ACACB: variants seen among roughly 807,000 people sequenced by gnomAD.
The protein encoded by ACACB is acetyl-CoA carboxylase beta.
Under a neutral mutation model 278.8 loss-of-function variants are expected in ACACB, and 209 were observed. The observed-to-expected ratio is 0.75, with a 90% CI of 0.67 to 0.84. ACACB has a LOEUF of 0.84. Among genes scored for constraint, ACACB ranks in the 40% least tolerant of loss-of-function variants. The probability of loss-of-function intolerance (pLI) is 0.00; values close to 1 mark genes in which losing one functional copy is unlikely to be tolerated. For missense variants in ACACB, 2,850 were observed against 3,269.0 expected (o/e 0.87, Z 3.13); for synonymous variants, 1,174 against 1,285.6 (o/e 0.91, Z 1.86).
At chr12:109,185,180 A>G (rs1450765152) in intron 11 of ACACB, among the ~76,000 whole-genome samples, 2 of 152,120 alleles carry the variant, frequency 1.3e-5, no homozygotes, top group Admixed American at 1.3e-4. Context: ...ATAATTGTCT[A>G]CTTTTTACCC....
In ACACB at chr12:109,253,173, C is replaced by T; in HGVS notation, c.6045+15C>T. 6.5e-7 allele frequency: 1 copy of T among 1,534,840 alleles called. No individual in the cohort carries two copies. On this transcript the variant is annotated intron_variant, in intron 43 of 52. Coordinates refer to ENST00000338432, the MANE Select transcript of ACACB (RefSeq NM_001093.4). ...ATATGCCAAAGGTGCAGTACTCCCC[C>T]TGCAGCTTAGAACCTGGAAGACTCT...
chr12:109,234,100 C>A, intron 31 of ACACB, 55 bp downstream of exon 31: 1 of 1,451,710 alleles, frequency 6.9e-7, no homozygotes, highest in Non-Finnish European at 9.5e-7. Context: ...GGAGGAGGGG[C>A]TGGGCTCGTC....
At chr12:109,177,147 C>A (rs2044308194) in intron 9 of ACACB, among the ~76,000 whole-genome samples, 2 of 152,352 alleles carry the variant, frequency 1.3e-5, no homozygotes, top group Admixed American at 1.3e-4. Flanking sequence ...GCATTTAACA[C>A]ATTCCAAATT....
Position 109,240,939 on chromosome 12 carries a change from AT to A in ACACB, c.4819-138del, listed in dbSNP as rs1250855400. 9.4e-5 allele frequency: 71 copies of A among 754,994 alleles called. 1 individual carries two copies. In the East Asian group the frequency reaches 1.9e-3, roughly 20 times the overall value. 46.8% of individuals were successfully genotyped at this position (754,994 alleles called of 1,614,324 possible). A position where few individuals can be genotyped will look rare whatever the true frequency, so the allele number is the denominator to read the frequency against. ...AAGAGCCGTTGCTTGTTATTAGTTA[AT>A]ACTTTTTGTTGGATACACACTATGT... On this transcript the variant is annotated intron_variant, in intron 35 of 52. Coordinates refer to ENST00000338432, the MANE Select transcript of ACACB (RefSeq NM_001093.4).
intron 17 of ACACB, among the ~76,000 whole-genome samples, chr12:109,198,908 C>T (rs1420249231): frequency 6.6e-6 from 1 of 152,016 alleles, no homozygotes; most frequent in African/African-American, 2.4e-5. Flanking sequence ...ACAGCCTTGG[C>T]CAGGCACAGT....
intron 12 of ACACB, among the ~76,000 whole-genome samples, chr12:109,187,217 G>A (rs1022745918): frequency 6.6e-6 from 1 of 152,106 alleles, no homozygotes; most frequent in South Asian, 2.1e-4. Flanking sequence ...TTCCCTAGCA[G>A]CAAGGGCCCT....
At chr12:109,231,104 G>A (rs2046455643) in intron 28 of ACACB, among the ~76,000 whole-genome samples, 1 of 151,982 alleles carries the variant, frequency 6.6e-6, no homozygotes, top group East Asian at 1.9e-4. Context: ...CCAGGCACAT[G>A]GTGCTTTAGG....
At position 109,174,243 on chromosome 12, in the gene ACACB, G is replaced by A. The variant is rs192280231; in HGVS notation, c.1216+13G>A. ...TGGAGTGGAAGCGGTAAGGGACCCC[G>A]AGCTTCCCTCTGGGGGAGCTTCTCA... is the stretch of plus-strand genomic sequence containing the variant. On this transcript the variant is annotated intron_variant, in intron 7 of 52. Transcript: ENST00000338432. 6.9e-6 allele frequency: 11 copies of A among 1,600,834 alleles called. No individual in the cohort carries two copies. The highest frequency in any genetic ancestry group is 5.6e-5 in the South Asian group (5 of 89,000).
At chr12:109,136,574 C>T (rs893830681) in intron 1 of ACACB, among the ~76,000 whole-genome samples, 1 of 152,068 alleles carries the variant, frequency 6.6e-6, no homozygotes, top group African/African-American at 2.4e-5. Context: ...ATATTTATTT[C>T]TAGGTGTTTT....
intron 2 of ACACB, among the ~76,000 whole-genome samples, chr12:109,146,917 T>G (rs2043256817): frequency 1.3e-5 from 2 of 152,138 alleles, no homozygotes; most frequent in Admixed American, 1.3e-4. Flanking sequence ...TCAAGCAATC[T>G]GCCCACCTCG....
chr12:109,223,864 T>C lies in ACACB; in HGVS notation c.3842T>C (p.Phe1281Ser). 6 of 1,614,192 alleles carry C rather than the reference T, an allele frequency of 3.7e-6. No homozygotes were observed. The highest frequency in any genetic ancestry group is 4.2e-6 in the Non-Finnish European group (5 of 1,180,018). Residue 1281 changes from phenylalanine (F) to serine (S), a missense_variant, in exon 27 of 53, where the codon TTC (phenylalanine) becomes TCC (serine). Physicochemically the swap from Phe to Ser is radical, Grantham distance 155. This residue lies in a region of ACACB where 2,265 missense variants were observed against 2,561.3 expected (regional missense o/e 0.88). Transcript: ENST00000338432. ...TTIFDVLPTF[F>S]YHANKVVCMA... ...ATCTTCGACGTCCTGCCTACTTTCT[T>C]CTATCACGCAAACAAAGTCGTGTGC...
chr12:109,254,442 T>C (rs893638059), intron 44 of ACACB, 108 bp downstream of exon 44: 4 of 1,125,888 alleles, frequency 3.6e-6, no homozygotes, highest in South Asian at 1.6e-5. Flanking sequence ...TTGATATTCG[T>C]TCTCATATCC....
chr12:109,227,342 A>G, intron 27 of ACACB, 29 bp from the exon 28 acceptor site: 1 of 1,592,254 alleles, frequency 6.3e-7, no homozygotes, highest in South Asian at 1.1e-5. Context: ...GGCCCCTGAG[A>G]GAATGTCCGT....
chr12:109,185,303 CT>C (rs1395383348), intron 11 of ACACB, among the ~76,000 whole-genome samples: 1 of 152,176 alleles, frequency 6.6e-6, no homozygotes, highest in African/African-American at 2.4e-5. Flanking sequence ...AGTGCTTTTA[CT>C]TGATGCATGT....
chr12:109,194,437 C>T (rs2136296945), intron 16 of ACACB, among the ~76,000 whole-genome samples: 1 of 152,166 alleles, frequency 6.6e-6, no homozygotes, highest in South Asian at 2.1e-4. Context: ...CTCAAGTGAT[C>T]TGCCCTGCCT....
At chr12:109,218,699 G>T (rs2046076406) in intron 24 of ACACB, among the ~76,000 whole-genome samples, 1 of 149,844 alleles carries the variant, frequency 6.7e-6, no homozygotes, top group African/African-American at 2.5e-5. Flanking sequence ...TGTCGCCCAG[G>T]CTGGGGTGCA....
chr12:109,158,462 G>A (rs1448305238), intron 2 of ACACB, among the ~76,000 whole-genome samples: 1 of 151,614 alleles, frequency 6.6e-6, no homozygotes, highest in Non-Finnish European at 1.5e-5. Flanking sequence ...CAGGAGGGTT[G>A]CTTGAGGAGT....
intron 4 of ACACB, among the ~76,000 whole-genome samples, chr12:109,170,211 T>C (rs1462306121): frequency 1.3e-5 from 2 of 152,110 alleles, no homozygotes; most frequent in African/African-American, 4.8e-5. Flanking sequence ...ACTTCAGGCA[T>C]GTACCACCAC....
chr12:109,155,000 C>G (rs1183214803), intron 2 of ACACB: 1 of 152,716 alleles, frequency 6.5e-6, no homozygotes, highest in Non-Finnish European at 1.5e-5. Context: ...AGTCTTCCTT[C>G]CCCTTGAAGT....
Sources: gnomAD v4.1 joint callset for allele counts (sites outside exome capture counted in the v4.1 genomes callset) on GRCh38, gnomAD v4.1.1 for gene constraint, gnomAD v4.1.1 regional missense constraint, MANE v1.5 for transcripts, NCBI Gene and HGNC (gene_info 2026-07-23, HGNC 2026-07-21) for gene names.